Variants in ELMO1 observed in about 807,000 individuals in gnomAD.
The protein encoded by ELMO1 is engulfment and cell motility protein 1.
ELMO1 carries 26 observed loss-of-function variants against 98.9 expected under a neutral mutation model. The observed-to-expected ratio is 0.26, with a 90% CI of 0.19 to 0.36. ELMO1 has a LOEUF of 0.36. Ranked by LOEUF, ELMO1 falls within the 10% of genes least tolerant of loss-of-function variation. The pLI, the probability that ELMO1 is intolerant of heterozygous loss-of-function variation, is 1.00. For synonymous variants in ELMO1, 346 were observed against 346.0 expected, an observed-to-expected ratio of 1.00 and a Z score of 0.00; for missense variants, 627 against 935.2, an observed-to-expected ratio of 0.67 and a Z score of 4.30.
intron 14 of ELMO1, among the ~76,000 whole-genome samples, chr7:37,113,214 T>C (rs1785356839): frequency 6.6e-6 from 1 of 152,232 alleles, no homozygotes; most frequent in African/African-American, 2.4e-5. Flanking sequence ...CAGAACTCTC[T>C]GGGCAGAGTC....
chr7:37,112,653 T>G (rs572403635), intron 14 of ELMO1, among the ~76,000 whole-genome samples: 4 of 152,244 alleles, frequency 2.6e-5, no homozygotes, highest in Non-Finnish European at 5.9e-5. Context: ...GTTATTAAAA[T>G]TGTTTCAGTT....
At chr7:37,233,051 C>T (rs1018115438) in intron 8 of ELMO1, 44 bp downstream of exon 8, 1 of 1,513,956 alleles carries the variant, frequency 6.6e-7, no homozygotes. Flanking sequence ...ATAGCTATGA[C>T]AGAAGACAGT....
chr7:37,168,750 G>A (rs939255169), intron 13 of ELMO1, among the ~76,000 whole-genome samples: 7 of 152,318 alleles, frequency 4.6e-5, no homozygotes, highest in Admixed American at 1.3e-4. Context: ...TGCCCCTACT[G>A]GGGGGTGCCT....
intron 1 of ELMO1, among the ~76,000 whole-genome samples, chr7:37,428,423 A>C (rs1190475363): frequency 6.6e-6 from 1 of 152,184 alleles, no homozygotes; most frequent in African/African-American, 2.4e-5. Flanking sequence ...GGAACATTCA[A>C]CTCCAGACAG....
At chr7:37,202,878 T>C (rs115781128) in intron 13 of ELMO1, among the ~76,000 whole-genome samples, 5,585 of 152,206 alleles carry the variant, frequency 0.037, 353 homozygotes, top group African/African-American at 0.13. Context: ...AGCCTGTTGA[T>C]GTCTCAGTGT....
At chr7:37,017,308 G>C (rs919883821) in intron 15 of ELMO1, among the ~76,000 whole-genome samples, 31 of 151,988 alleles carry the variant, frequency 2.0e-4, no homozygotes, top group African/African-American at 7.5e-4. Flanking sequence ...GTTTCCCCAG[G>C]TACTCAGGCA....
At chr7:37,339,249 C>A (rs1562627132) in intron 2 of ELMO1, among the ~76,000 whole-genome samples, 1 of 152,214 alleles carries the variant, frequency 6.6e-6, no homozygotes, top group Non-Finnish European at 1.5e-5. Context: ...ACAATCTCTG[C>A]AGCTGGGGCT....
chr7:37,241,166 A>G (rs1207953003), intron 7 of ELMO1, among the ~76,000 whole-genome samples: 1 of 152,012 alleles, frequency 6.6e-6, no homozygotes, highest in Non-Finnish European at 1.5e-5. Flanking sequence ...TTAAATGTGC[A>G]TACACATTTA....
At chr7:37,220,310 G>A (rs578047431) in intron 10 of ELMO1, among the ~76,000 whole-genome samples, 3 of 152,150 alleles carry the variant, frequency 2.0e-5, no homozygotes, top group Non-Finnish European at 4.4e-5. Context: ...CCATGGGCAA[G>A]TAAATTAAAT....
chr7:37,090,159 C>A (rs899273403), intron 15 of ELMO1, among the ~76,000 whole-genome samples: 1 of 137,254 alleles, frequency 7.3e-6, no homozygotes, highest in Non-Finnish European at 1.6e-5. Context: ...ATGACATCAC[C>A]GGACAGGTAT....
At chr7:37,185,586 G>A (rs1791150902) in intron 13 of ELMO1, among the ~76,000 whole-genome samples, 1 of 152,066 alleles carries the variant, frequency 6.6e-6, no homozygotes, top group South Asian at 2.1e-4. Context: ...AACGTGGAAG[G>A]ACCACATAAC....
chr7:36,878,233 T>C (rs573501275), intron 18 of ELMO1, 116 bp from the exon 19 acceptor site: 1 of 762,128 alleles, frequency 1.3e-6, no homozygotes, highest in South Asian at 1.7e-5. Context: ...TGATTTTAAG[T>C]CTTGAGGAAG....
chr7:37,022,740 C>T (rs1367421836), intron 15 of ELMO1, among the ~76,000 whole-genome samples: 1 of 152,174 alleles, frequency 6.6e-6, no homozygotes, highest in Non-Finnish European at 1.5e-5. Flanking sequence ...ATAAACCCAA[C>T]AGAAATGCAT....
intron 2 of ELMO1, among the ~76,000 whole-genome samples, chr7:37,341,858 C>A (rs1800740192): frequency 6.6e-6 from 1 of 152,100 alleles, no homozygotes; most frequent in African/African-American, 2.4e-5. Flanking sequence ...AGGTCTCAAC[C>A]TTTTATTCCT....
intron 4 of ELMO1, among the ~76,000 whole-genome samples, chr7:37,295,354 C>T (rs1001597851): frequency 6.6e-6 from 1 of 152,154 alleles, no homozygotes; most frequent in Non-Finnish European, 1.5e-5. Context: ...TCAGTTATAT[C>T]ATTTTTTGTA....
intron 14 of ELMO1, among the ~76,000 whole-genome samples, chr7:37,115,924 T>G (rs900868360): frequency 1.3e-5 from 2 of 152,220 alleles, no homozygotes; most frequent in African/African-American, 4.8e-5. Context: ...TTGTAACAAA[T>G]GAGCCATTCT....
intron 13 of ELMO1, among the ~76,000 whole-genome samples, chr7:37,209,748 G>C (rs1219009290): frequency 2.0e-5 from 3 of 152,084 alleles, no homozygotes; most frequent in African/African-American, 4.8e-5. Context: ...CTGGCAGAGG[G>C]GCTCTGCCAG....
rs780464919 is a variant in ELMO1, at chr7:36,878,130, A to G, written c.1715-13T>C. 2.5e-6 allele frequency: 4 copies of G among 1,595,140 alleles called. No individual in the cohort carries two copies. Among genetic ancestry groups the G allele is most frequent in the Non-Finnish European group, 3.4e-6 (4 of 1,163,116 alleles). ...TACCAAAACTTGTCTGAGAGAAAAA[A>G]CACAAGTTTACAAGGTAAGTGATTG... is the stretch of plus-strand genomic sequence containing the variant. On this transcript the variant is annotated splice_polypyrimidine_tract_variant and intron_variant, in intron 18 of 21. Transcript: ENST00000310758.
intron 13 of ELMO1, among the ~76,000 whole-genome samples, chr7:37,162,313 G>A (rs1478252836): frequency 2.6e-5 from 4 of 152,080 alleles, no homozygotes; most frequent in East Asian, 1.9e-4. Flanking sequence ...CAGCTGCCTC[G>A]TGGGGCACCA....
Sources: allele counts gnomAD v4.1 joint callset (sites outside exome capture counted in the v4.1 genomes callset), GRCh38; gene constraint gnomAD v4.1.1; transcripts MANE v1.5; gene names NCBI Gene and HGNC (gene_info 2026-07-23, HGNC 2026-07-21).